Variants in FIP1L1 observed in about 807,000 individuals in gnomAD.
The protein encoded by FIP1L1 is pre-mRNA 3'-end-processing factor FIP1.
A neutral mutation model predicts 84.6 loss-of-function variants in FIP1L1; 21 were observed. The ratio of observed to expected loss-of-function variants is 0.25; its 90% confidence interval spans 0.18 to 0.36. FIP1L1 has a LOEUF of 0.36. Among genes scored for constraint, FIP1L1 ranks in the 10% least tolerant of loss-of-function variants. The pLI is 1.00. For missense variants in FIP1L1, 526 were observed against 751.1 expected (o/e 0.70, Z 3.50); for synonymous variants, 263 against 242.3 (o/e 1.09, Z -0.80).
At chr4:53,431,875 C>A (rs779095137) in intron 13 of FIP1L1, among the ~76,000 whole-genome samples, 3 of 152,130 alleles carry the variant, frequency 2.0e-5, no homozygotes, top group Non-Finnish European at 4.4e-5. Flanking sequence ...AAATAGTTCA[C>A]AGAAGAGGAG....
In FIP1L1 at chr4:53,458,738, A is replaced by G; in HGVS notation, c.1585A>G (p.Arg529Gly). Reference protein sequence around the residue: ...RASREKEERHRERRHREKEET... With the variant: ...RASREKEERHGERRHREKEET... ...AAGTCGAGAAAAAGAAGAACGACAT[A>G]GAGAAAGACGACACAGGGAGAAAGA... The change falls in exon 17 of 18, where the codon AGA (arginine) becomes GGA (glycine). Residue 529 changes from arginine to glycine, a missense_variant. Physicochemically the swap from Arg to Gly is moderately radical, Grantham distance 125 (BLOSUM62 -2). Transcript: ENST00000337488. 6.2e-7 allele frequency: 1 copy of G among 1,613,216 alleles called. No individual in the cohort carries two copies. The highest frequency in any genetic ancestry group is 8.5e-7 in the Non-Finnish European group (1 of 1,179,476).
intron 10 of FIP1L1, among the ~76,000 whole-genome samples, chr4:53,407,298 G>T (rs1754139611): frequency 6.6e-6 from 1 of 152,182 alleles, no homozygotes; most frequent in Non-Finnish European, 1.5e-5. Context: ...AGGTTGTTCA[G>T]TTTCCATGTA....
At chr4:53,412,961 C>T (rs549408120) in intron 10 of FIP1L1, among the ~76,000 whole-genome samples, 19 of 152,160 alleles carry the variant, frequency 1.2e-4, no homozygotes, top group East Asian at 3.9e-4. Flanking sequence ...TTTCCCACTC[C>T]GCCACTTATC....
At chr4:53,392,988 G>A (rs1272340561) in intron 9 of FIP1L1, among the ~76,000 whole-genome samples, 1 of 152,166 alleles carries the variant, frequency 6.6e-6, no homozygotes, top group Non-Finnish European at 1.5e-5. Context: ...TGTGTATTAA[G>A]AATATGTGTG....
At chr4:53,406,650 TG>T (rs1753674426) in intron 10 of FIP1L1, among the ~76,000 whole-genome samples, 1 of 152,206 alleles carries the variant, frequency 6.6e-6, no homozygotes, top group African/African-American at 2.4e-5. Flanking sequence ...GGACTCTTTT[TG>T]GTTGGTAAGC....
rs571337596 is a variant in FIP1L1 at position 53,414,731 on chromosome 4, A to G, written c.923+9A>G. On this transcript the variant is annotated intron_variant, in intron 11 of 17. Coordinates refer to ENST00000337488, the MANE Select transcript of FIP1L1 (RefSeq NM_030917.4). ...GAATCACCTGATCTAAGGTAAGGCT[A>G]TTTTTAAACATTGGATACTCCCTGA... 3.1e-5 allele frequency: 47 copies of G among 1,530,040 alleles called. No homozygotes were observed. In the East Asian group the frequency reaches 9.2e-4, roughly 30 times the overall value. 94.8% of individuals were successfully genotyped at this position (1,530,040 alleles called of 1,614,324 possible).
chr4:53,386,288 A>T lies in FIP1L1; in HGVS notation c.332+2412A>T, dbSNP rs996249404. ...CATCTGTGATCATTCCATTATTATT[A>T]TTGTTTTTACATTTACCATGCTACA... On this transcript the variant is annotated intron_variant, in intron 5 of 17. Transcript: ENST00000337488. 1.9e-4 allele frequency among the ~76,000 whole-genome samples: 29 copies of T among 152,032 alleles called. 1 individual carries two copies. Among genetic ancestry groups the T allele is most frequent in the African/African-American group, 1.7e-4 (7 of 41,392 alleles).
chr4:53,379,117 G>C lies in FIP1L1; in HGVS notation c.130G>C (p.Asp44His). The C allele has an allele frequency of 6.2e-7, 1 of 1,614,096 alleles. No individual in the cohort carries two copies. The highest frequency in any genetic ancestry group is 8.5e-7 in the Non-Finnish European group (1 of 1,179,968). Residue 44 changes from aspartate to histidine, a missense_variant and splice_region_variant, in exon 2 of 18, where the codon GAT (aspartate) becomes CAT (histidine). Physicochemically the swap from Asp to His is moderately conservative, Grantham distance 81 (BLOSUM62 -1). Around this residue, in one of 6 missense-constraint regions of FIP1L1, gnomAD observed 100 missense variants for 107.2 expected, o/e 0.93. Transcript: ENST00000337488. ...HVHSDLAKDLDENEVERPEEE... is the reference protein window; with the variant it reads ...HVHSDLAKDLHENEVERPEEE... ...GCACAGTGATTTGGCAAAGGACCTA[G>C]GTTAGTGCTTGTGATGATCACTTCA...
intron 10 of FIP1L1, among the ~76,000 whole-genome samples, chr4:53,412,083 CA>C (rs911330243): frequency 6.6e-6 from 1 of 151,324 alleles, no homozygotes; most frequent in Non-Finnish European, 1.5e-5. Flanking sequence ...CAAAGAATTG[CA>C]AAAAAAAGTA....
intron 15 of FIP1L1, among the ~76,000 whole-genome samples, chr4:53,447,832 C>CT (rs1774848800): frequency 1.3e-5 from 2 of 151,980 alleles, no homozygotes; most frequent in Admixed American, 1.3e-4. Context: ...TAATTTTACT[C>CT]TATTTTAAAT....
chr4:53,448,831 T>C (rs1775253733), intron 15 of FIP1L1, among the ~76,000 whole-genome samples: 2 of 152,168 alleles, frequency 1.3e-5, no homozygotes, highest in African/African-American at 2.4e-5. Flanking sequence ...ACTGCTATAG[T>C]TATCTCCATA....
intron 13 of FIP1L1, among the ~76,000 whole-genome samples, chr4:53,428,550 C>G (rs1250616410): frequency 6.6e-6 from 1 of 152,020 alleles, no homozygotes; most frequent in Non-Finnish European, 1.5e-5. Flanking sequence ...GGGAGTAGAT[C>G]AAAAAATTAT....
Position 53,444,030 on chromosome 4 carries a change from T to C in FIP1L1, c.1230-18T>C, listed in dbSNP as rs765065028. Reference sequence around the variant, plus strand: ...CTTATTTGTACCAGACATAAAAATATATCTTTTTCTTCAACAGTGGACATT... The same window carrying C: ...CTTATTTGTACCAGACATAAAAATACATCTTTTTCTTCAACAGTGGACATT... On this transcript the variant is annotated intron_variant, in intron 14 of 17. Transcript: ENST00000337488. 2 of 1,584,102 alleles carry C rather than the reference T, an allele frequency of 1.3e-6. No individual in the cohort carries two copies. The highest frequency in any genetic ancestry group is 1.1e-5 in the South Asian group (1 of 89,490).
At chr4:53,431,063 G>T (rs761051904) in intron 13 of FIP1L1, among the ~76,000 whole-genome samples, 1 of 152,130 alleles carries the variant, frequency 6.6e-6, no homozygotes, top group Non-Finnish European at 1.5e-5. Context: ...TTAGTCAAGT[G>T]GTCTTGTACG....
At chr4:53,435,440 G>C (rs1027544137) in intron 13 of FIP1L1, among the ~76,000 whole-genome samples, 1 of 152,126 alleles carries the variant, frequency 6.6e-6, no homozygotes, top group Non-Finnish European at 1.5e-5. Context: ...GAAGCTGGTA[G>C]AGATCATTTC....
chr4:53,409,811 C>G (rs565714835), intron 10 of FIP1L1, among the ~76,000 whole-genome samples: 1 of 152,240 alleles, frequency 6.6e-6, no homozygotes, highest in African/African-American at 2.4e-5. Context: ...AGGATATAAT[C>G]TCCTGGTGCG....
At chr4:53,394,214 T>G (rs1384920635) in intron 9 of FIP1L1, among the ~76,000 whole-genome samples, 2 of 152,196 alleles carry the variant, frequency 1.3e-5, no homozygotes, top group Non-Finnish European at 2.9e-5. Flanking sequence ...TCTGTTAGAT[T>G]TTTCTTTTCC....
In FIP1L1 at chr4:53,449,602, C is replaced by G. The variant is rs186184483; in HGVS notation, c.1286-3318C>G. 2.1e-3 allele frequency among the ~76,000 whole-genome samples: 322 copies of G among 151,934 alleles called. 1 individual carries two copies. The highest frequency in any genetic ancestry group is 4.2e-3 in the South Asian group (20 of 4,810). On this transcript the variant is annotated intron_variant, in intron 15 of 17. Coordinates refer to ENST00000337488, the MANE Select transcript of FIP1L1 (RefSeq NM_030917.4). ...TTCCCTTTATTTATACTGCCCTTACCTGATTTTGACACCAAGATTATACCA... is the reference window on the plus strand; with the variant it reads ...TTCCCTTTATTTATACTGCCCTTACGTGATTTTGACACCAAGATTATACCA...
intron 5 of FIP1L1, among the ~76,000 whole-genome samples, chr4:53,385,109 C>T (rs1398453807): frequency 6.6e-6 from 1 of 152,052 alleles, no homozygotes; most frequent in African/African-American, 2.4e-5. Context: ...TCTAAATGTG[C>T]TCCTCATTCT....
Sources: gnomAD v4.1 joint callset for allele counts (sites outside exome capture counted in the v4.1 genomes callset) on GRCh38, gnomAD v4.1.1 for gene constraint, gnomAD v4.1.1 regional missense constraint, MANE v1.5 for transcripts, NCBI Gene and HGNC (gene_info 2026-07-23, HGNC 2026-07-21) for gene names.